Variants in OSBPL8 observed in about 807,000 individuals in gnomAD.
OSBPL8 encodes oxysterol binding protein like 8.
In OSBPL8, 59 loss-of-function variants were observed where a neutral mutation model predicts 125.5. The ratio of observed to expected loss-of-function variants is 0.47; its 90% CI spans 0.38 to 0.58. The LOEUF is 0.58. OSBPL8 is among the 20% of genes least tolerant of loss of function. The probability of loss-of-function intolerance (pLI) is 0.00; values close to 1 mark genes in which losing one functional copy is unlikely to be tolerated. For missense variants in OSBPL8, 758 were observed against 1,047.8 expected (o/e 0.72, Z 3.82); for synonymous variants, 330 against 338.9 (o/e 0.97, Z 0.29).
chr12:76,386,366 G>A (rs1253915483), intron 13 of OSBPL8, 100 bp from the exon 14 acceptor site: 63 of 1,414,146 alleles, frequency 4.5e-5, no homozygotes, highest in Middle Eastern at 2.6e-4. Flanking sequence ...TCTGGGAACC[G>A]TCCTTATAAA....
chr12:76,514,301 C>T (rs1203975590), intron 1 of OSBPL8, among the ~76,000 whole-genome samples: 2 of 148,346 alleles, frequency 1.3e-5, no homozygotes, highest in Non-Finnish European at 1.5e-5. Context: ...CCTGCCACCA[C>T]GCCCAGCTAA....
intron 4 of OSBPL8, among the ~76,000 whole-genome samples, chr12:76,439,072 T>C (rs528710833): frequency 1.0e-3 from 153 of 152,248 alleles, no homozygotes; most frequent in Middle Eastern, 3.4e-3. Flanking sequence ...GAGAGATTGA[T>C]GGCAATTATA....
chr12:76,499,220 G>A (rs1261919884), intron 1 of OSBPL8, among the ~76,000 whole-genome samples: 2 of 152,110 alleles, frequency 1.3e-5, no homozygotes, highest in Non-Finnish European at 2.9e-5. Flanking sequence ...TCAGTTTTGA[G>A]ACTCAGGCTG....
chr12:76,362,436 T>C (rs1171022945), intron 21 of OSBPL8, among the ~76,000 whole-genome samples: 1 of 152,120 alleles, frequency 6.6e-6, no homozygotes, highest in Non-Finnish European at 1.5e-5. Context: ...AAAAACCACA[T>C]GATTATCTCA....
At chr12:76,532,962 A>C (rs1474299351) in intron 1 of OSBPL8, among the ~76,000 whole-genome samples, 1 of 152,234 alleles carries the variant, frequency 6.6e-6, no homozygotes, top group Non-Finnish European at 1.5e-5. Context: ...AAATCATTTA[A>C]GTTACCCAAA....
chr12:76,463,758 A>C (rs1014169370), intron 2 of OSBPL8, among the ~76,000 whole-genome samples: 2 of 152,254 alleles, frequency 1.3e-5, no homozygotes, highest in Admixed American at 1.3e-4. Flanking sequence ...GAGTCAAGTG[A>C]AATCATCCTT....
intron 1 of OSBPL8, among the ~76,000 whole-genome samples, chr12:76,518,419 T>C (rs1457338821): frequency 1.3e-5 from 2 of 152,154 alleles, no homozygotes; most frequent in African/African-American, 4.8e-5. Context: ...TGGACTTGAG[T>C]GCCTGCAGCT....
At chr12:76,506,920 G>C (rs548469045) in intron 1 of OSBPL8, among the ~76,000 whole-genome samples, 26 of 148,864 alleles carry the variant, frequency 1.7e-4, no homozygotes, top group African/African-American at 6.5e-4. Context: ...TAAGGAACAG[G>C]CTTCGAGAGA....
chr12:76,375,133 T>C (rs1296063564), intron 17 of OSBPL8, 140 bp downstream of exon 17: 7 of 562,378 alleles, frequency 1.2e-5, no homozygotes, highest in Non-Finnish European at 2.1e-5. Flanking sequence ...CCTTATTCCT[T>C]AGATGCACTT....
chr12:76,490,923 C>G (rs1004640748), intron 1 of OSBPL8, among the ~76,000 whole-genome samples: 3 of 152,244 alleles, frequency 2.0e-5, no homozygotes, highest in Non-Finnish European at 2.9e-5. Context: ...CCTGCCAGTG[C>G]CCAAAAGCAC....
chr12:76,479,985 G>A (rs190972236), intron 2 of OSBPL8, among the ~76,000 whole-genome samples: 1 of 151,800 alleles, frequency 6.6e-6, no homozygotes, highest in Admixed American at 6.6e-5. Flanking sequence ...TAACCAACAC[G>A]GAGAAACTCT....
chr12:76,384,793 T>C (rs780787857), intron 14 of OSBPL8, among the ~76,000 whole-genome samples: 1 of 152,200 alleles, frequency 6.6e-6, no homozygotes, highest in Non-Finnish European at 1.5e-5. Flanking sequence ...TGGACGTGAA[T>C]CTTCCAGCCC....
chr12:76,372,739 C>T (rs1050405048), intron 18 of OSBPL8, among the ~76,000 whole-genome samples: 1 of 152,166 alleles, frequency 6.6e-6, no homozygotes, highest in Non-Finnish European at 1.5e-5. Flanking sequence ...AACAAAATTA[C>T]ATAAATATGA....
At chr12:76,499,193 T>C (rs909476210) in intron 1 of OSBPL8, among the ~76,000 whole-genome samples, 14 of 152,246 alleles carry the variant, frequency 9.2e-5, no homozygotes, top group East Asian at 7.7e-4. Context: ...CCCTCAAACA[T>C]TGGACTCCCA....
At chr12:76,386,126 A>G in intron 14 of OSBPL8, 42 bp downstream of exon 14, 1 of 1,576,996 alleles carries the variant, frequency 6.3e-7, no homozygotes, top group Non-Finnish European at 8.6e-7. Flanking sequence ...TATTCCAATA[A>G]CTTCCAGATC....
intron 4 of OSBPL8, among the ~76,000 whole-genome samples, chr12:76,445,206 T>TA (rs1379745493): frequency 3.3e-5 from 5 of 152,142 alleles, no homozygotes; most frequent in Non-Finnish European, 7.4e-5. Context: ...CATAAAATGA[T>TA]AGAGATCTAA....
chr12:76,440,718 A>T (rs147027647), intron 4 of OSBPL8, among the ~76,000 whole-genome samples: 28 of 152,286 alleles, frequency 1.8e-4, no homozygotes, highest in Admixed American at 3.3e-4. Flanking sequence ...TCATTAACTA[A>T]GTACGTTACC....
intron 1 of OSBPL8, among the ~76,000 whole-genome samples, chr12:76,529,083 G>T (rs550447516): frequency 1.4e-5 from 2 of 145,546 alleles, no homozygotes; most frequent in South Asian, 4.3e-4. Context: ...TTTTAACTAT[G>T]ACAAAGCTAA....
chr12:76,389,264 T>C lies in OSBPL8; in HGVS notation c.1352+381A>G, dbSNP rs966892072. ...TCACAAGCATGCAGACAGACAAGTA[T>C]GAGCAAACACAGATGCCCCAGGATG... is the stretch of plus-strand genomic sequence containing the variant. On this transcript the variant is annotated intron_variant, in intron 12 of 23. Coordinates refer to ENST00000261183, the MANE Select transcript of OSBPL8 (RefSeq NM_020841.5). Among the ~76,000 whole-genome samples, 40 of 152,252 alleles carry C rather than the reference T, an allele frequency of 2.6e-4. 1 individual carries two copies. Among genetic ancestry groups the C allele is most frequent in the Admixed American group, 2.3e-3 (35 of 15,290 alleles).
Sources: gnomAD v4.1 joint callset for allele counts (sites outside exome capture counted in the v4.1 genomes callset) on GRCh38, gnomAD v4.1.1 for gene constraint, MANE v1.5 for transcripts, NCBI Gene and HGNC (gene_info 2026-07-23, HGNC 2026-07-21) for gene names.